Variants in CCBE1 observed in about 807,000 individuals in gnomAD.
CCBE1 encodes the protein collagen and calcium-binding EGF domain-containing protein 1.
A neutral mutation model predicts 50.0 loss-of-function variants in CCBE1; 37 were observed. The observed-to-expected ratio is 0.74, with a 90% CI of 0.57 to 0.97. CCBE1 has a LOEUF of 0.97. Among genes scored for constraint, CCBE1 ranks in the 50% least tolerant of loss-of-function variants. The probability of loss-of-function intolerance (pLI) is 0.00; values close to 1 mark genes in which losing one functional copy is unlikely to be tolerated. For missense variants in CCBE1, 538 were observed against 523.8 expected (o/e 1.03, Z -0.26); for synonymous variants, 234 against 203.7 (o/e 1.15, Z -1.27).
intron 2 of CCBE1, among the ~76,000 whole-genome samples, chr18:59,507,729 G>C: frequency 6.6e-6 from 1 of 152,122 alleles, no homozygotes; most frequent in Non-Finnish European, 1.5e-5. Context: ...GAAAGCATTT[G>C]TTAAAAATCT....
At chr18:59,520,925 A>G (rs1914572826) in intron 2 of CCBE1, among the ~76,000 whole-genome samples, 2 of 152,268 alleles carry the variant, frequency 1.3e-5, no homozygotes, top group Admixed American at 1.3e-4. Context: ...GTGTTGATAC[A>G]GTGATTTTTA....
chr18:59,526,336 A>G (rs1246714330), intron 2 of CCBE1, among the ~76,000 whole-genome samples: 5 of 143,228 alleles, frequency 3.5e-5, no homozygotes, highest in Admixed American at 2.8e-4. Flanking sequence ...TGGAGATGGA[A>G]TCTCACTCTG....
chr18:59,542,256 C>T (rs1224865983), intron 2 of CCBE1, among the ~76,000 whole-genome samples: 1 of 66,640 alleles, frequency 1.5e-5, no homozygotes, highest in African/African-American at 6.7e-5. Context: ...TGCCCTATTG[C>T]TAGAGATATT....
At chr18:59,652,214 G>T (rs1041238978) in intron 2 of CCBE1, among the ~76,000 whole-genome samples, 1 of 151,674 alleles carries the variant, frequency 6.6e-6, no homozygotes, top group Non-Finnish European at 1.5e-5. Context: ...TGGCTGAATA[G>T]TATTCCATTT....
intron 2 of CCBE1, among the ~76,000 whole-genome samples, chr18:59,667,306 C>T (rs1261236553): frequency 6.6e-6 from 1 of 152,124 alleles, no homozygotes; most frequent in African/African-American, 2.4e-5. Context: ...TTACAGGGTA[C>T]ATTTTTCTAT....
intron 6 of CCBE1, among the ~76,000 whole-genome samples, chr18:59,452,549 C>T (rs1472315182): frequency 6.6e-6 from 1 of 152,148 alleles, no homozygotes; most frequent in Non-Finnish European, 1.5e-5. Context: ...GCAGAGATCA[C>T]ACCACTGCAC....
chr18:59,433,745 C>T lies in CCBE1; in HGVS notation c.*2163G>A, dbSNP rs1217313162. ...TCAGCCTCCCGAGCAGCTGGGACCA[C>T]AGGCGCCCACCACCACGCCCGACTA... is the stretch of plus-strand genomic sequence containing the variant. On this transcript the variant is annotated 3_prime_UTR_variant, in exon 11 of 11. Coordinates refer to ENST00000439986, the MANE Select transcript of CCBE1 (RefSeq NM_133459.4). 6.6e-6 allele frequency: 1 copy of T among 151,872 alleles called. No individual in the cohort carries two copies. The highest frequency in any genetic ancestry group is 1.5e-5 in the Non-Finnish European group (1 of 68,078). 9.4% of individuals were successfully genotyped at this position (151,872 alleles called of 1,614,324 possible). A position where few individuals can be genotyped will look rare whatever the true frequency, so the allele number is the denominator to read the frequency against.
intron 2 of CCBE1, among the ~76,000 whole-genome samples, chr18:59,574,213 T>C (rs1045791353): frequency 6.6e-6 from 1 of 152,260 alleles, no homozygotes; most frequent in East Asian, 1.9e-4. Flanking sequence ...GAGTCTAGAT[T>C]AGACCACAGT....
At chr18:59,441,652 G>A (rs1910431750) in intron 7 of CCBE1, among the ~76,000 whole-genome samples, 1 of 152,144 alleles carries the variant, frequency 6.6e-6, no homozygotes, top group South Asian at 2.1e-4. Flanking sequence ...CTGAGCAGAT[G>A]AGGGATTTCA....
intron 2 of CCBE1, among the ~76,000 whole-genome samples, chr18:59,692,270 AATTTTTCAAAGC>A (rs1177061085): frequency 1.3e-5 from 2 of 152,182 alleles, no homozygotes; most frequent in African/African-American, 2.4e-5. Flanking sequence ...ATGTGTCGTG[AATTTTTCAAAGC>A]ATTTTACATG....
chr18:59,501,323 A>G (rs1014486000), intron 2 of CCBE1, among the ~76,000 whole-genome samples: 2 of 152,118 alleles, frequency 1.3e-5, no homozygotes, highest in African/African-American at 4.8e-5. Context: ...TTTAGAGGGG[A>G]AGCACCAGGC....
intron 2 of CCBE1, among the ~76,000 whole-genome samples, chr18:59,670,041 A>AT (rs1486174914): frequency 1.3e-5 from 2 of 151,780 alleles, no homozygotes; most frequent in Non-Finnish European, 2.9e-5. Context: ...GGCTGATGCA[A>AT]TCATGGACCT....
intron 2 of CCBE1, among the ~76,000 whole-genome samples, chr18:59,678,043 G>A (rs564650309): frequency 3.3e-5 from 5 of 152,148 alleles, no homozygotes; most frequent in Non-Finnish European, 7.4e-5. Flanking sequence ...ACCATACCGG[G>A]GGATGCAAAG....
chr18:59,697,281 C>T lies in CCBE1; in HGVS notation c.62G>A (p.Gly21Asp), dbSNP rs1029684738. ...CAACGCCAGGAGCAGCAGCAGCGGA[C>T]CCAGGCTCCTGCCCAGCTGGCCCCT... Reference protein sequence around the residue: ...AARGQLGRSLGPLLLLLALGH... With the variant: ...AARGQLGRSLDPLLLLLALGH... The change falls in exon 1 of 11, where the codon GGT becomes GAT. Residue 21 changes from glycine (G) to aspartate (D), a missense_variant. Coordinates refer to ENST00000439986, the MANE Select transcript of CCBE1 (RefSeq NM_133459.4). 30 of 1,549,104 alleles carry T rather than the reference C, an allele frequency of 1.9e-5. No individual in the cohort carries two copies. The highest frequency in any genetic ancestry group is 2.5e-5 in the Non-Finnish European group (29 of 1,146,774).
chr18:59,495,216 T>C (rs1913292945), intron 2 of CCBE1, among the ~76,000 whole-genome samples: 1 of 151,814 alleles, frequency 6.6e-6, no homozygotes, highest in Admixed American at 6.6e-5. Context: ...CTATACTTTT[T>C]CTCTGAAAAA....
At chr18:59,465,389 GTTC>G (rs934811776) in intron 5 of CCBE1, 9 of 150,734 alleles carry the variant, frequency 6.0e-5, no homozygotes, top group South Asian at 2.1e-4. Context: ...ACTCTGCCTC[GTTC>G]TTCTTTTTTC....
intron 2 of CCBE1, among the ~76,000 whole-genome samples, chr18:59,666,832 G>A (rs75119971): frequency 1.3e-5 from 2 of 152,142 alleles, no homozygotes; most frequent in Non-Finnish European, 2.9e-5. Context: ...GGGTGTGGTG[G>A]TGCGTGCCTG....
At chr18:59,658,414 T>A (rs1173755122) in intron 2 of CCBE1, among the ~76,000 whole-genome samples, 31 of 68,520 alleles carry the variant, frequency 4.5e-4, no homozygotes, top group South Asian at 7.3e-4. Context: ...TATATATATA[T>A]ATAAAGTTAG....
Position 59,507,646 on chromosome 18 carries a change from C to T in CCBE1, c.213-27408G>A, listed in dbSNP as rs145217598. 2.9e-3 allele frequency among the ~76,000 whole-genome samples: 443 copies of T among 152,274 alleles called. 3 individuals are homozygous for T. The highest frequency in any genetic ancestry group is 9.7e-3 in the African/African-American group (404 of 41,542). ...TCCCCATCCTCATGCTGTGCTTATG[C>T]CTGTCCCTTTGTCACATGAGAGTAG... On this transcript the variant is annotated intron_variant, in intron 2 of 10. Transcript: ENST00000439986.
Sources: gnomAD v4.1 joint callset for allele counts (sites outside exome capture counted in the v4.1 genomes callset) on GRCh38, gnomAD v4.1.1 for gene constraint, MANE v1.5 for transcripts, NCBI Gene and HGNC (gene_info 2026-07-23, HGNC 2026-07-21) for gene names.